MSRA: variants seen among roughly 807,000 people sequenced by gnomAD.
MSRA encodes methionine sulfoxide reductase A.
MSRA carries 54 observed loss-of-function variants against 31.3 expected under a neutral mutation model. The observed-to-expected ratio is 1.73, with a 90% CI of 1.39 to 2.17. The LOEUF is 2.17. MSRA is among the 30% of genes most tolerant of loss of function. The pLI is 0.00. For synonymous variants in MSRA, 169 were observed against 116.5 expected (o/e 1.45, Z -2.90); for missense variants, 507 against 300.9 (o/e 1.69, Z -5.07).
intron 1 of MSRA, among the ~76,000 whole-genome samples, chr8:10,200,526 G>T (rs1008291345): frequency 6.6e-6 from 1 of 152,112 alleles, no homozygotes; most frequent in African/African-American, 2.4e-5. Flanking sequence ...CTCATCACGG[G>T]TCCCAGCTGC....
At chr8:10,346,822 T>C (rs955403582) in intron 5 of MSRA, among the ~76,000 whole-genome samples, 1 of 152,224 alleles carries the variant, frequency 6.6e-6, no homozygotes, top group African/African-American at 2.4e-5. Flanking sequence ...GGCTGATTGC[T>C]AAAGGGGTTG....
At chr8:10,071,526 C>T (rs974230520) in intron 1 of MSRA, among the ~76,000 whole-genome samples, 2 of 149,046 alleles carry the variant, frequency 1.3e-5, no homozygotes, top group African/African-American at 2.5e-5. Flanking sequence ...TTCCAGCTTC[C>T]TAATTTTTCC....
At chr8:10,257,272 A>G (rs759137711) in intron 3 of MSRA, among the ~76,000 whole-genome samples, 9 of 152,182 alleles carry the variant, frequency 5.9e-5, no homozygotes, top group Admixed American at 2.0e-4. Context: ...CTCCGTCTCC[A>G]CAAAAAACAG....
intron 1 of MSRA, among the ~76,000 whole-genome samples, chr8:10,158,909 T>G (rs980092191): frequency 1.3e-5 from 2 of 152,222 alleles, no homozygotes; most frequent in Non-Finnish European, 2.9e-5. Context: ...TGTTTTTGAT[T>G]ATAGCCACTC....
At chr8:10,396,594 C>A (rs1009788334) in intron 5 of MSRA, among the ~76,000 whole-genome samples, 1 of 152,310 alleles carries the variant, frequency 6.6e-6, no homozygotes, top group Non-Finnish European at 1.5e-5. Context: ...GTAAGGACTT[C>A]TAGTGTGGGT....
At chr8:10,169,438 C>T (rs190748136) in intron 1 of MSRA, among the ~76,000 whole-genome samples, 4 of 152,130 alleles carry the variant, frequency 2.6e-5, no homozygotes, top group Non-Finnish European at 5.9e-5. Flanking sequence ...TATTTTAGAG[C>T]TATGTACCTT....
At chr8:10,122,305 G>T (rs1032348574) in intron 1 of MSRA, among the ~76,000 whole-genome samples, 1 of 152,216 alleles carries the variant, frequency 6.6e-6, no homozygotes, top group Admixed American at 6.5e-5. Context: ...GGCTCAGCGG[G>T]AGCACCCGCC....
chr8:10,143,194 CTTAA>C (rs1172732350), intron 1 of MSRA, among the ~76,000 whole-genome samples: 1 of 151,908 alleles, frequency 6.6e-6, no homozygotes, highest in Non-Finnish European at 1.5e-5. Flanking sequence ...CTGAAATGTG[CTTAA>C]TTGTTTGCTG....
At chr8:10,250,647 A>AAAGGAAGT in intron 3 of MSRA, 1 of 600,038 alleles carries the variant, frequency 1.7e-6, no homozygotes, top group South Asian at 2.0e-5. Context: ...GCAGGAGCCC[A>AAAGGAAGT]GGTGTGGGAA....
At chr8:10,331,051 G>C (rs549203603) in intron 5 of MSRA, among the ~76,000 whole-genome samples, 1 of 152,290 alleles carries the variant, frequency 6.6e-6, no homozygotes, top group African/African-American at 2.4e-5. Context: ...TGTGTTTCTT[G>C]CTGCACACAG....
At chr8:10,376,790 A>G (rs996224996) in intron 5 of MSRA, among the ~76,000 whole-genome samples, 4 of 152,206 alleles carry the variant, frequency 2.6e-5, no homozygotes, top group African/African-American at 4.8e-5. Flanking sequence ...AAAGACAACT[A>G]TACAAAGTTT....
At position 10,428,279 on chromosome 8, in the gene MSRA, C is replaced by G; in HGVS notation, c.675C>G (p.Thr225=). 6.2e-7 allele frequency: 1 copy of G among 1,613,952 alleles called. No homozygotes were observed. The highest frequency in any genetic ancestry group is 8.5e-7 in the Non-Finnish European group (1 of 1,179,944). Residue 225 remains threonine, a synonymous_variant, in exon 6 of 6, where the codon ACC becomes ACG. Coordinates refer to ENST00000317173, the MANE Select transcript of MSRA (RefSeq NM_012331.5). The part of the protein sequence containing the change: ...NPNGYCGLGG[T]GVSCPVGIKK ...ATGGCTACTGCGGCCTTGGGGGCAC[C>G]GGCGTGTCCTGCCCAGTGGGTATTA...
chr8:10,423,749 G>A (rs547038991), intron 5 of MSRA, among the ~76,000 whole-genome samples: 6 of 152,302 alleles, frequency 3.9e-5, no homozygotes, highest in South Asian at 2.1e-4. Context: ...TCTGTGACAC[G>A]GAAAGTGGCT....
At chr8:10,324,651 G>A (rs1015086469) in intron 5 of MSRA, among the ~76,000 whole-genome samples, 1 of 152,182 alleles carries the variant, frequency 6.6e-6, no homozygotes, top group Non-Finnish European at 1.5e-5. Flanking sequence ...GCTTAGCTTA[G>A]CCTGGGTCCC....
intron 1 of MSRA, among the ~76,000 whole-genome samples, chr8:10,175,636 T>A (rs941479906): frequency 9.9e-5 from 15 of 152,244 alleles, no homozygotes; most frequent in Non-Finnish European, 1.9e-4. Context: ...GCCCCTAGCA[T>A]GGAGCCTTAC....
chr8:10,356,406 CCT>C (rs1162944078), intron 5 of MSRA, among the ~76,000 whole-genome samples: 2 of 152,222 alleles, frequency 1.3e-5, no homozygotes, highest in African/African-American at 4.8e-5. Context: ...AAGAGCCTCT[CCT>C]CCATCTGCCC....
At chr8:10,058,362 CAG>C (rs937984779) in intron 1 of MSRA, among the ~76,000 whole-genome samples, 23 of 152,238 alleles carry the variant, frequency 1.5e-4, no homozygotes, top group African/African-American at 5.5e-4. Flanking sequence ...ATCATAAAAA[CAG>C]ATAATTTGAA....
chr8:10,172,798 G>A lies in MSRA; in HGVS notation c.143-35035G>A, dbSNP rs187815138. 7.7e-4 allele frequency among the ~76,000 whole-genome samples: 117 copies of A among 152,264 alleles called. 2 individuals are homozygous for A. Among genetic ancestry groups the A allele is most frequent in the Middle Eastern group, 3.4e-3 (1 of 294 alleles). On this transcript the variant is annotated intron_variant, in intron 1 of 5. Coordinates refer to ENST00000317173, the MANE Select transcript of MSRA (RefSeq NM_012331.5). ...CTGTAGCTCACCCCTTCGCTTACTC[G>A]GATCTTGATTCATTTGTTGGGCCAT...
intron 1 of MSRA, chr8:10,096,282 A>G: frequency 8.7e-7 from 1 of 1,150,482 alleles, no homozygotes; most frequent in South Asian, 4.2e-5. Flanking sequence ...AGGCAAGCTG[A>G]AGACACCAGA....
Sources: allele counts gnomAD v4.1 joint callset (sites outside exome capture counted in the v4.1 genomes callset), GRCh38; gene constraint gnomAD v4.1.1; transcripts MANE v1.5; gene names NCBI Gene and HGNC (gene_info 2026-07-23, HGNC 2026-07-21).